The following PEAK1 variants were observed in gnomAD, a reference collection of about 807,000 sequenced individuals.
PEAK1 encodes inactive tyrosine-protein kinase PEAK1.
Under a neutral mutation model 124.7 loss-of-function variants are expected in PEAK1, and 54 were observed. The observed-to-expected ratio is 0.43, with a 90% CI of 0.35 to 0.54. The LOEUF is 0.54. Ranked by LOEUF, PEAK1 falls within the 20% of genes least tolerant of loss-of-function variation. PEAK1 has a pLI of 0.01. For missense variants in PEAK1, 2,046 were observed against 2,134.5 expected, an observed-to-expected ratio of 0.96 and a Z score of 0.82; for synonymous variants, 719 against 760.0, an observed-to-expected ratio of 0.95 and a Z score of 0.89.
chr15:77,113,959 TAA>T lies in PEAK1; in HGVS notation c.*195_*196del. 1 of 590,976 alleles carries T rather than the reference TAA, an allele frequency of 1.7e-6. No homozygotes were observed. The highest frequency in any genetic ancestry group is 2.9e-6 in the Non-Finnish European group (1 of 343,436). The allele number at this position is 590,976 out of a possible 1,614,324, so 36.6% of individuals were successfully genotyped here. On this transcript the variant is annotated 3_prime_UTR_variant, in exon 10 of 10. Coordinates refer to ENST00000682557, the MANE Select transcript of PEAK1 (RefSeq NM_001385026.1). ...GCAAGTTTGTGCAGCTGAATTTCTG[TAA>T]AGTTAAGACAGACTCAGCTTCTCAT... is the stretch of plus-strand genomic sequence containing the variant.
chr15:77,136,926 C>T lies in PEAK1; in HGVS notation c.3332-3176G>A, dbSNP rs759258457. ...AAGGCCTAGGAGAAAAAAGTAGTTT[C>T]GTGGGCCAGGCCCAGGGTCCCCTTG... On this transcript the variant is annotated intron_variant, in intron 8 of 9. Coordinates refer to ENST00000682557, the MANE Select transcript of PEAK1 (RefSeq NM_001385026.1). 7.2e-5 allele frequency among the ~76,000 whole-genome samples: 11 copies of T among 152,312 alleles called. No individual in the cohort carries two copies. The South Asian group carries it at 1.0e-3, about 14-fold the overall frequency.
chr15:77,288,569 G>T (rs1196188030), intron 2 of PEAK1, among the ~76,000 whole-genome samples: 2 of 152,218 alleles, frequency 1.3e-5, no homozygotes, highest in African/African-American at 4.8e-5. Context: ...ATGGATTTTA[G>T]TAAGTCTTTT....
chr15:77,113,295 A>G lies in PEAK1; in HGVS notation c.*861T>C, dbSNP rs1331769219. 1 of 152,296 alleles carries G rather than the reference A, an allele frequency of 6.6e-6. No individual in the cohort carries two copies. The highest frequency in any genetic ancestry group is 1.5e-5 in the Non-Finnish European group (1 of 68,068). The allele number at this position is 152,296 out of a possible 1,614,324, so 9.4% of individuals were successfully genotyped here. A position where few individuals can be genotyped will look rare whatever the true frequency, so the allele number is the denominator to read the frequency against. ...TAAACTCTGTTTCCTGATGGCCCCT[A>G]GAGAATTGCACATGCAAGAAAATCA... On this transcript the variant is annotated 3_prime_UTR_variant, in exon 10 of 10. Transcript: ENST00000682557.
At chr15:77,268,963 C>T (rs962614746) in intron 5 of PEAK1, among the ~76,000 whole-genome samples, 4 of 151,988 alleles carry the variant, frequency 2.6e-5, no homozygotes, top group Admixed American at 1.3e-4. Flanking sequence ...CAAACAAATG[C>T]TGAAAGAATT....
At chr15:77,223,886 ATTT>A (rs10719377) in intron 6 of PEAK1, among the ~76,000 whole-genome samples, 11 of 121,578 alleles carry the variant, frequency 9.0e-5, no homozygotes, top group African/African-American at 1.5e-4. Flanking sequence ...CATTTGAGAG[ATTT>A]TTTTTTTTTT....
At chr15:77,243,032 T>C (rs1025310988) in intron 6 of PEAK1, among the ~76,000 whole-genome samples, 1 of 152,182 alleles carries the variant, frequency 6.6e-6, no homozygotes, top group Non-Finnish European at 1.5e-5. Context: ...TGTGAATATG[T>C]TTCAATTAAG....
intron 9 of PEAK1, among the ~76,000 whole-genome samples, chr15:77,126,543 A>G (rs1485301814): frequency 6.6e-6 from 1 of 152,232 alleles, no homozygotes; most frequent in Admixed American, 6.5e-5. Context: ...GTGATCTATA[A>G]GATGTTGAGC....
At chr15:77,344,013 T>A (rs1051572477) in intron 2 of PEAK1, among the ~76,000 whole-genome samples, 4 of 152,226 alleles carry the variant, frequency 2.6e-5, no homozygotes, top group Non-Finnish European at 5.9e-5. Context: ...TTGAAAAGAC[T>A]GTCCTTTCCT....
At chr15:77,126,699 C>G (rs1039216408) in intron 9 of PEAK1, among the ~76,000 whole-genome samples, 1 of 152,058 alleles carries the variant, frequency 6.6e-6, no homozygotes, top group African/African-American at 2.4e-5. Flanking sequence ...ATGTGAAAAC[C>G]AAGAGAGGCG....
chr15:77,179,415 G>T lies in PEAK1; in HGVS notation c.2512C>A (p.Pro838Thr). 1 of 1,614,110 alleles carries T rather than the reference G, an allele frequency of 6.2e-7. No homozygotes were observed. The highest frequency in any genetic ancestry group is 8.5e-7 in the Non-Finnish European group (1 of 1,180,010). Reference protein sequence around the residue: ...EAEAPQTTDSPTTKVQKDPSI... With the variant: ...EAEAPQTTDSTTTKVQKDPSI... ...GGGTCTTTCTGTACTTTGGTGGTAG[G>T]ACTGTCTGTGGTCTGAGGTGCTTCA... Residue 838 changes from proline (P) to threonine (T), a missense_variant, in exon 7 of 10, where the codon CCT becomes ACT. Coordinates refer to ENST00000682557, the MANE Select transcript of PEAK1 (RefSeq NM_001385026.1).
At chr15:77,375,777 C>T (rs1240718148) in intron 1 of PEAK1, among the ~76,000 whole-genome samples, 3 of 151,968 alleles carry the variant, frequency 2.0e-5, no homozygotes, top group East Asian at 1.9e-4. Context: ...GGGTGGATCA[C>T]GAAGTCAGGA....
At chr15:77,117,224 T>C (rs1258268823) in intron 9 of PEAK1, among the ~76,000 whole-genome samples, 1 of 152,188 alleles carries the variant, frequency 6.6e-6, no homozygotes, top group African/African-American at 2.4e-5. Context: ...ACTCTAGCTG[T>C]TACATTATAA....
chr15:77,181,114 G>A lies in PEAK1; in HGVS notation c.813C>T (p.Arg271=), dbSNP rs377177124. Residue 271 remains arginine, a synonymous_variant, in exon 7 of 10, where the codon CGC becomes CGT. Coordinates refer to ENST00000682557, the MANE Select transcript of PEAK1 (RefSeq NM_001385026.1). ...ATGTGTTTGCTCTGAAGTTGGCAAA[G>A]CGAGGTTGCCCTCTCATGCGAATCT... ...AMEIRMRGQP[R]FANFRANTLS... 22 of 1,614,108 alleles carry A rather than the reference G, an allele frequency of 1.4e-5. No homozygotes were observed. The highest frequency in any genetic ancestry group is 5.3e-5 in the African/African-American group (4 of 74,938).
chr15:77,120,643 T>G (rs1462160353), intron 9 of PEAK1, among the ~76,000 whole-genome samples: 1 of 152,258 alleles, frequency 6.6e-6, no homozygotes, highest in East Asian at 1.9e-4. Context: ...CTGGTCTGCC[T>G]GCCTCTAATG....
At chr15:77,246,353 T>G (rs1206155950) in intron 6 of PEAK1, among the ~76,000 whole-genome samples, 1 of 152,058 alleles carries the variant, frequency 6.6e-6, no homozygotes, top group African/African-American at 2.4e-5. Flanking sequence ...TAGAACAATT[T>G]GAGAGAGCTG....
intron 9 of PEAK1, among the ~76,000 whole-genome samples, chr15:77,120,846 C>T (rs2051847524): frequency 6.6e-6 from 1 of 152,178 alleles, no homozygotes; most frequent in Non-Finnish European, 1.5e-5. Flanking sequence ...TATCTGCAGC[C>T]GGCCACCCAC....
upstream of PEAK1, chr15:77,420,644 C>A (rs2142245522): frequency 2.8e-5 from 10 of 360,316 alleles, no homozygotes; most frequent in East Asian, 7.9e-5. Context: ...AAAACTACAT[C>A]TCCCAGAAAC....
intron 2 of PEAK1, chr15:77,345,775 T>C (rs2066837986): frequency 2.6e-6 from 1 of 390,462 alleles, no homozygotes; most frequent in Admixed American, 6.4e-5. Context: ...AGATAAATGT[T>C]TGAGGTGATG....
chr15:77,266,104 G>C (rs1413950359), intron 5 of PEAK1, among the ~76,000 whole-genome samples: 1 of 152,080 alleles, frequency 6.6e-6, no homozygotes, highest in Admixed American at 6.5e-5. Context: ...GACTGTTGTG[G>C]GGTGGGGAGA....
Sources: allele counts gnomAD v4.1 joint callset (sites outside exome capture counted in the v4.1 genomes callset), GRCh38; gene constraint gnomAD v4.1.1; transcripts MANE v1.5; gene names NCBI Gene and HGNC (gene_info 2026-07-23, HGNC 2026-07-21).